Variants in STAU2 observed in about 807,000 individuals in gnomAD.
The protein encoded by STAU2 is double-stranded RNA-binding protein Staufen homolog 2.
STAU2 carries 20 observed loss-of-function variants against 65.9 expected under a neutral mutation model. That is an observed-to-expected ratio of 0.30 (90% CI 0.21 to 0.44). STAU2 has a LOEUF of 0.44. Ranked by LOEUF, STAU2 falls within the 20% of genes least tolerant of loss-of-function variation. The pLI is 1.00. For synonymous variants in STAU2, 232 were observed against 233.9 expected, an observed-to-expected ratio of 0.99 and a Z score of 0.07; for missense variants, 558 against 683.9, an observed-to-expected ratio of 0.82 and a Z score of 2.05.
chr8:73,505,535 T>C (rs1169182328), intron 13 of STAU2, among the ~76,000 whole-genome samples: 1 of 152,112 alleles, frequency 6.6e-6, no homozygotes, highest in Non-Finnish European at 1.5e-5. Flanking sequence ...TAAAAATGCA[T>C]GGTGACATGT....
chr8:73,710,278 AG>A (rs1394231437), intron 3 of STAU2, among the ~76,000 whole-genome samples: 1 of 151,590 alleles, frequency 6.6e-6, no homozygotes, highest in African/African-American at 2.4e-5. Context: ...TCTTGTTCAG[AG>A]ACAGTCTCAC....
chr8:73,729,231 C>G (rs1453538526), intron 3 of STAU2, among the ~76,000 whole-genome samples: 1 of 152,154 alleles, frequency 6.6e-6, no homozygotes, highest in African/African-American at 2.4e-5. Context: ...TGTACTACAC[C>G]ACCCTTGCAA....
chr8:73,451,491 T>C (rs998241337), intron 13 of STAU2, among the ~76,000 whole-genome samples: 2 of 151,950 alleles, frequency 1.3e-5, no homozygotes, highest in Non-Finnish European at 2.9e-5. Context: ...CAAAAAAATA[T>C]GTTAAGAGAG....
chr8:73,499,015 G>C (rs557957064), intron 13 of STAU2, among the ~76,000 whole-genome samples: 1 of 151,842 alleles, frequency 6.6e-6, no homozygotes, highest in Admixed American at 6.6e-5. Flanking sequence ...AAGGCCTTAA[G>C]AGCAAAAACA....
intron 11 of STAU2, chr8:73,590,525 G>GA (rs1376346748): frequency 1.2e-4 from 19 of 152,096 alleles, no homozygotes; most frequent in African/African-American, 4.1e-4. Context: ...GCTTAAAAAA[G>GA]AAAAAATAAC....
At chr8:73,533,383 A>T (rs1805956036) in intron 13 of STAU2, among the ~76,000 whole-genome samples, 1 of 152,220 alleles carries the variant, frequency 6.6e-6, no homozygotes, top group Admixed American at 6.5e-5. Context: ...ATAACTTTTA[A>T]GATAAGTTTC....
At chr8:73,631,324 G>A (rs577496536) in intron 6 of STAU2, among the ~76,000 whole-genome samples, 54 of 151,470 alleles carry the variant, frequency 3.6e-4, no homozygotes, top group African/African-American at 7.8e-4. Context: ...GTACCCTTGC[G>A]GTTTGAGTAC....
intron 10 of STAU2, among the ~76,000 whole-genome samples, chr8:73,595,748 A>G (rs1811133682): frequency 6.6e-6 from 1 of 152,186 alleles, no homozygotes; most frequent in South Asian, 2.1e-4. Flanking sequence ...TAAACATTCA[A>G]GTTTACAAAG....
chr8:73,557,958 C>T (rs1214602969), intron 12 of STAU2, among the ~76,000 whole-genome samples: 1 of 152,130 alleles, frequency 6.6e-6, no homozygotes, highest in Non-Finnish European at 1.5e-5. Context: ...ATTTAATTCC[C>T]ATAACAACCA....
chr8:73,533,861 A>C (rs910712647), intron 13 of STAU2, among the ~76,000 whole-genome samples: 1 of 152,198 alleles, frequency 6.6e-6, no homozygotes, highest in African/African-American at 2.4e-5. Flanking sequence ...CCCAGCTCCG[A>C]AAAGAAGTTG....
chr8:73,661,734 T>C (rs1366579101), intron 6 of STAU2, among the ~76,000 whole-genome samples: 1 of 152,220 alleles, frequency 6.6e-6, no homozygotes, highest in Non-Finnish European at 1.5e-5. Flanking sequence ...TTGCTCAGCA[T>C]ATTGTTTCTG....
In STAU2 at chr8:73,613,894, C is replaced by G; in HGVS notation, c.741G>C (p.Glu247Asp). The G allele has an allele frequency of 6.2e-7, 1 of 1,613,768 alleles. No individual in the cohort carries two copies. The highest frequency in any genetic ancestry group is 1.1e-5 in the South Asian group (1 of 91,006). The change falls in exon 9 of 15, where the codon GAG (glutamate) becomes GAC (aspartate). Residue 247 changes from glutamate to aspartate, a missense_variant. By Grantham distance (45) the Glu-to-Asp change is conservative. Around this residue, in one of 3 missense-constraint regions of STAU2, gnomAD observed 199 missense variants for 299.5 expected, o/e 0.66. Coordinates refer to ENST00000524300, the MANE Select transcript of STAU2 (RefSeq NM_001164380.2). ...KSFVTRVSVG[E>D]FSAEGEGNSK... ...TATTTCCTTCTCCTTCTGCAGAGAA[C>G]TCTCCTACTGACACTCGAGTAACAA...
intron 13 of STAU2, among the ~76,000 whole-genome samples, chr8:73,471,071 T>G (rs1021374668): frequency 1.3e-5 from 2 of 152,126 alleles, no homozygotes; most frequent in Non-Finnish European, 2.9e-5. Flanking sequence ...TACTCCCTAA[T>G]GCTACTTTAT....
At chr8:73,557,290 C>T (rs1366439904) in intron 12 of STAU2, among the ~76,000 whole-genome samples, 1 of 152,136 alleles carries the variant, frequency 6.6e-6, no homozygotes, top group Non-Finnish European at 1.5e-5. Flanking sequence ...CTACAGAGTT[C>T]AACTAACAGA....
At chr8:73,668,279 A>G (rs2130374616) in intron 6 of STAU2, among the ~76,000 whole-genome samples, 1 of 152,330 alleles carries the variant, frequency 6.6e-6, no homozygotes, top group East Asian at 1.9e-4. Flanking sequence ...GAAATAGAAA[A>G]TGAGGAAGAA....
chr8:73,690,204 C>CT (rs1819228815), intron 4 of STAU2, among the ~76,000 whole-genome samples: 1 of 151,514 alleles, frequency 6.6e-6, no homozygotes, highest in Non-Finnish European at 1.5e-5. Flanking sequence ...TGGCGGGTGC[C>CT]TGTAGTCCCA....
chr8:73,591,881 G>GCAAAAAA (rs1224981628), intron 11 of STAU2, among the ~76,000 whole-genome samples: 1 of 35,586 alleles, frequency 2.8e-5, no homozygotes, highest in African/African-American at 1.3e-4. Context: ...TATCCCAGAG[G>GCAAAAAA]TAAAAAAAAA....
chr8:73,573,796 A>G (rs1241678171), intron 12 of STAU2, among the ~76,000 whole-genome samples: 1 of 152,238 alleles, frequency 6.6e-6, no homozygotes, highest in Admixed American at 6.5e-5. Context: ...AAAACCACAA[A>G]AACCCTAAAA....
intron 1 of STAU2, among the ~76,000 whole-genome samples, chr8:73,743,513 C>G (rs1199401652): frequency 6.7e-6 from 1 of 148,172 alleles, no homozygotes; most frequent in African/African-American, 2.5e-5. Flanking sequence ...ACTCTTGCTG[C>G]CCAGGCTGGA....
Sources: allele counts gnomAD v4.1 joint callset (sites outside exome capture counted in the v4.1 genomes callset), GRCh38; gene constraint gnomAD v4.1.1; regional missense constraint gnomAD v4.1.1; transcripts MANE v1.5; gene names NCBI Gene and HGNC (gene_info 2026-07-23, HGNC 2026-07-21).